The following MLXIPL variants were observed in gnomAD, a reference collection of about 807,000 sequenced individuals.
MLXIPL encodes MLX interacting protein like.
A neutral mutation model predicts 81.5 loss-of-function variants in MLXIPL; 49 were observed. The observed-to-expected ratio is 0.60, with a 90% CI of 0.48 to 0.76. MLXIPL has a LOEUF of 0.76. MLXIPL is among the 30% of genes least tolerant of loss of function. The pLI is 0.00. For missense variants in MLXIPL, 1,053 were observed against 1,167.0 expected, an observed-to-expected ratio of 0.90 and a Z score of 1.42; for synonymous variants, 466 against 485.5, an observed-to-expected ratio of 0.96 and a Z score of 0.53.
intron 2 of MLXIPL, among the ~76,000 whole-genome samples, chr7:73,615,564 C>T (rs782709989): frequency 5.3e-5 from 8 of 152,108 alleles, no homozygotes; most frequent in Non-Finnish European, 1.2e-4. Flanking sequence ...CCCCGAGACC[C>T]GCTGGAGGTC....
chr7:73,630,273 A>G, the MLXIPL span, among the ~76,000 whole-genome samples: 1 of 142,088 alleles, frequency 7.0e-6, no homozygotes, highest in Non-Finnish European at 1.5e-5. Context: ...CTGGGATTAC[A>G]GGCCAGCTTG....
intron 2 of MLXIPL, among the ~76,000 whole-genome samples, chr7:73,611,676 C>T (rs1490688678): frequency 1.3e-5 from 2 of 152,004 alleles, no homozygotes; most frequent in Admixed American, 6.6e-5. Context: ...ATTAGCCAGG[C>T]GTGGTGGCGC....
Position 73,595,949 on chromosome 7 carries a change from C to A in MLXIPL, c.2079G>T (p.Leu693=). Reference sequence around the variant, plus strand: ...TAAGGATGTACTCAGCTGTCTTCTGCAGCGTGGTAGCTTTGCTCACCTGCA... The same window carrying A: ...TAAGGATGTACTCAGCTGTCTTCTGAAGCGTGGTAGCTTTGCTCACCTGCA... The part of the protein sequence containing the change: ...PSLKVSKATT[L]QKTAEYILML... Residue 693 remains leucine, a synonymous_variant, in exon 14 of 17, where the codon CTG becomes CTT. Transcript: ENST00000313375. The A allele has an allele frequency of 6.2e-7, 1 of 1,613,090 alleles. No individual in the cohort carries two copies. Among genetic ancestry groups the A allele is most frequent in the Non-Finnish European group, 8.5e-7 (1 of 1,180,020 alleles).
the MLXIPL span, among the ~76,000 whole-genome samples, chr7:73,643,159 A>G: frequency 6.6e-6 from 1 of 152,178 alleles, no homozygotes; most frequent in African/African-American, 2.4e-5. Flanking sequence ...AATCTGCTCA[A>G]CCAGCCCGTT....
the MLXIPL span, among the ~76,000 whole-genome samples, chr7:73,642,647 T>C: frequency 1.0e-3 from 157 of 152,304 alleles, no homozygotes; most frequent in African/African-American, 2.7e-3. Context: ...TGAGCCACCA[T>C]GCCTGGCCCT....
the MLXIPL span, among the ~76,000 whole-genome samples, chr7:73,644,077 T>G: frequency 2.2e-3 from 331 of 152,198 alleles, 1 homozygote; most frequent in African/African-American, 7.6e-3. Context: ...GCTAATTTTT[T>G]TGTAGAGACA....
chr7:73,607,819 C>CTTCT (rs1795423912), intron 2 of MLXIPL, 147 bp from the exon 3 acceptor site: 1 of 589,790 alleles, frequency 1.7e-6, no homozygotes, highest in Admixed American at 2.9e-5. Context: ...TCCAGGAAGT[C>CTTCT]TTCTCGGATG....
the MLXIPL span, among the ~76,000 whole-genome samples, chr7:73,634,903 C>T: frequency 0.15 from 22,950 of 150,854 alleles, 1,934 homozygotes; most frequent in African/African-American, 0.2. Flanking sequence ...GCAACCTCTA[C>T]CTCCTGGGTT....
intron 7 of MLXIPL, among the ~76,000 whole-genome samples, chr7:73,603,232 C>T (rs1387300607): frequency 1.3e-5 from 2 of 152,172 alleles, no homozygotes; most frequent in African/African-American, 4.8e-5. Context: ...TCTGGGTACA[C>T]GGAATGTTTG....
At chr7:73,600,389 G>C (rs1794696894) in intron 7 of MLXIPL, among the ~76,000 whole-genome samples, 1 of 80,828 alleles carries the variant, frequency 1.2e-5, no homozygotes, top group Non-Finnish European at 2.3e-5. Flanking sequence ...TGAGGGGGGT[G>C]CCTAAGGCTG....
the MLXIPL span, among the ~76,000 whole-genome samples, chr7:73,643,855 A>G: frequency 3.3e-5 from 5 of 151,360 alleles, no homozygotes; most frequent in African/African-American, 4.9e-5. Flanking sequence ...GCAACTTTGA[A>G]CTCCTGGCTC....
intron 5 of MLXIPL, 35 bp from the exon 6 acceptor site, chr7:73,606,146 G>C: frequency 6.5e-7 from 1 of 1,550,018 alleles, no homozygotes; most frequent in Non-Finnish European, 8.7e-7. Context: ...CCGCTAGAGA[G>C]CTCCCACTGC....
chr7:73,626,001 C>T (rs574261778), upstream of MLXIPL, among the ~76,000 whole-genome samples: 516 of 152,088 alleles, frequency 3.4e-3, 3 homozygotes, highest in African/African-American at 0.012. Flanking sequence ...TATCTATATA[C>T]TTCTATTTAT....
At chr7:73,619,920 A>T (rs1223320810) in intron 1 of MLXIPL, among the ~76,000 whole-genome samples, 2 of 152,010 alleles carry the variant, frequency 1.3e-5, no homozygotes, top group African/African-American at 4.8e-5. Context: ...ACAGAGCAAG[A>T]CTCCGTCTCA....
intron 2 of MLXIPL, among the ~76,000 whole-genome samples, chr7:73,615,488 A>G (rs1376208831): frequency 6.6e-6 from 1 of 152,074 alleles, no homozygotes; most frequent in African/African-American, 2.4e-5. Context: ...AGCCTACCCT[A>G]GTGCTACTGA....
chr7:73,632,743 T>TTTCCTTCCTTCCTTCCTTCC, the MLXIPL span, among the ~76,000 whole-genome samples: 67 of 133,940 alleles, frequency 5.0e-4, 1 homozygote, highest in African/African-American at 1.7e-3. Context: ...TCCTTCCTTC[T>TTTCCTTCCTTCCTTCCTTCC]TTCCTTCCTT....
intron 7 of MLXIPL, among the ~76,000 whole-genome samples, chr7:73,601,217 T>TGTGTGTGTGTGTGTG (rs1794798516): frequency 9.4e-6 from 1 of 106,158 alleles, no homozygotes; most frequent in African/African-American, 3.7e-5. Flanking sequence ...GTGTGTGTGT[T>TGTGTGTGTGTGTGTG]TGTGTCTTCA....
At chr7:73,604,359 C>T (rs1554597286) in intron 7 of MLXIPL, among the ~76,000 whole-genome samples, 1 of 151,832 alleles carries the variant, frequency 6.6e-6, no homozygotes, top group South Asian at 2.1e-4. Context: ...ATCTCTTGAG[C>T]CCAGGAGTTC....
Position 73,605,914 on chromosome 7 carries a change from C to A in MLXIPL, c.816G>T (p.Glu272Asp). The A allele has an allele frequency of 1.3e-6, 2 of 1,584,042 alleles. No homozygotes were observed. Among genetic ancestry groups the A allele is most frequent in the East Asian group, 2.3e-5 (1 of 43,712 alleles). ...TGCCCTTTCTCAGACCCTCACCATCCTCAGGCGGCAGCTGCAGGGGCGAAG... is the reference window on the plus strand; with the variant it reads ...TGCCCTTTCTCAGACCCTCACCATCATCAGGCGGCAGCTGCAGGGGCGAAG... ...SGPSPLQLPP[E>D]DAYVGNADMI... The change falls in exon 6 of 17, where the codon GAG becomes GAT. Residue 272 changes from glutamate to aspartate, a missense_variant. Coordinates refer to ENST00000313375, the MANE Select transcript of MLXIPL (RefSeq NM_032951.3).
Sources: gnomAD v4.1 joint callset for allele counts (sites outside exome capture counted in the v4.1 genomes callset) on GRCh38, gnomAD v4.1.1 for gene constraint, MANE v1.5 for transcripts, NCBI Gene and HGNC (gene_info 2026-07-23, HGNC 2026-07-21) for gene names.